Variants in MARCHF1 observed in about 807,000 individuals in gnomAD.
MARCHF1 encodes the protein E3 ubiquitin-protein ligase MARCHF1.
In MARCHF1, 40 loss-of-function variants were observed where a neutral mutation model predicts 54.2. The ratio of observed to expected loss-of-function variants is 0.74; its 90% CI spans 0.57 to 0.96. MARCHF1 has a LOEUF of 0.96. Among genes scored for constraint, MARCHF1 ranks in the 40% least tolerant of loss-of-function variants. The probability of loss-of-function intolerance (pLI) is 0.00; values close to 1 mark genes in which losing one functional copy is unlikely to be tolerated. For synonymous variants in MARCHF1, 236 were observed against 236.3 expected (o/e 1.00, Z 0.01); for missense variants, 586 against 656.5 (o/e 0.89, Z 1.17).
At chr4:163,695,949 G>A (rs185284736) in intron 5 of MARCHF1, among the ~76,000 whole-genome samples, 38 of 152,134 alleles carry the variant, frequency 2.5e-4, no homozygotes, top group Non-Finnish European at 4.1e-4. Flanking sequence ...TTAAGTGATG[G>A]ATAATTGAAA....
chr4:164,328,144 C>G (rs147824289), intron 1 of MARCHF1, among the ~76,000 whole-genome samples: 1 of 152,110 alleles, frequency 6.6e-6, no homozygotes, highest in Non-Finnish European at 1.5e-5. Context: ...GGAGAAAATT[C>G]TAAAATTAGT....
intron 3 of MARCHF1, among the ~76,000 whole-genome samples, chr4:163,988,291 A>G (rs1752907930): frequency 6.6e-6 from 1 of 152,216 alleles, no homozygotes; most frequent in African/African-American, 2.4e-5. Flanking sequence ...AAGTGTCCCT[A>G]TGGATCTGGC....
At chr4:164,238,699 G>T (rs2111200618) in intron 1 of MARCHF1, among the ~76,000 whole-genome samples, 1 of 151,888 alleles carries the variant, frequency 6.6e-6, no homozygotes, top group Non-Finnish European at 1.5e-5. Context: ...TACAATAGAA[G>T]AAATTATGTT....
chr4:164,227,893 G>T (rs540104968), intron 1 of MARCHF1, among the ~76,000 whole-genome samples: 1 of 152,054 alleles, frequency 6.6e-6, no homozygotes, highest in East Asian at 1.9e-4. Flanking sequence ...GATGATACAG[G>T]CTGGTGATTA....
At chr4:164,317,617 G>C (rs1045559885) in intron 1 of MARCHF1, among the ~76,000 whole-genome samples, 1 of 152,174 alleles carries the variant, frequency 6.6e-6, no homozygotes, top group African/African-American at 2.4e-5. Context: ...TCATTCCTAA[G>C]AGGGAGAGAG....
chr4:163,629,331 T>C (rs1741986475), intron 5 of MARCHF1, among the ~76,000 whole-genome samples: 1 of 152,118 alleles, frequency 6.6e-6, no homozygotes, highest in Non-Finnish European at 1.5e-5. Context: ...TAATAAATGG[T>C]ATTGGGAAAA....
intron 7 of MARCHF1, among the ~76,000 whole-genome samples, chr4:163,609,834 C>T (rs1741274343): frequency 6.6e-6 from 1 of 151,870 alleles, no homozygotes; most frequent in African/African-American, 2.4e-5. Context: ...TTAGAGGCAG[C>T]CTCTTTGGAA....
intron 4 of MARCHF1, among the ~76,000 whole-genome samples, chr4:163,784,180 GACA>G (rs1330264899): frequency 6.8e-6 from 1 of 147,356 alleles, no homozygotes; most frequent in Non-Finnish European, 1.5e-5. Context: ...AGTTTCAATT[GACA>G]ACAATACCTC....
At chr4:164,081,207 CAAAAAAAAAAAAAA>C (rs60753810) in intron 2 of MARCHF1, among the ~76,000 whole-genome samples, 7 of 18,404 alleles carry the variant, frequency 3.8e-4, no homozygotes, top group African/African-American at 7.3e-4. Flanking sequence ...GACGCTGTCT[CAAAAAAAAAAAAAA>C]AAAAAAAAAA....
intron 4 of MARCHF1, among the ~76,000 whole-genome samples, chr4:163,768,844 TA>T (rs1371447616): frequency 1.3e-5 from 2 of 152,150 alleles, no homozygotes; most frequent in Admixed American, 6.5e-5. Flanking sequence ...TCATTCAACA[TA>T]GGGGGATAGG....
At chr4:164,145,352 G>A (rs374387631) in intron 1 of MARCHF1, among the ~76,000 whole-genome samples, 20 of 151,526 alleles carry the variant, frequency 1.3e-4, no homozygotes, top group Admixed American at 9.2e-4. Flanking sequence ...TACCAAAGCC[G>A]GGCAGAGACA....
intron 9 of MARCHF1, among the ~76,000 whole-genome samples, chr4:163,545,295 A>G (rs947475307): frequency 6.6e-6 from 1 of 152,232 alleles, no homozygotes; most frequent in African/African-American, 2.4e-5. Flanking sequence ...ATCAGGCAGA[A>G]CTTGATCCTT....
At chr4:163,659,329 C>T (rs1471356411) in intron 5 of MARCHF1, among the ~76,000 whole-genome samples, 2 of 152,124 alleles carry the variant, frequency 1.3e-5, no homozygotes, top group East Asian at 1.9e-4. Context: ...ATAAATGGTG[C>T]TGGGGAAACT....
chr4:163,613,531 A>G, intron 5 of MARCHF1, 138 bp from the exon 6 acceptor site: 2 of 1,570,462 alleles, frequency 1.3e-6, no homozygotes, highest in Non-Finnish European at 1.7e-6. Context: ...AACAGAGAAT[A>G]TAGGAAGTTT....
At chr4:164,255,568 T>A (rs2111255855) in intron 1 of MARCHF1, among the ~76,000 whole-genome samples, 1 of 151,918 alleles carries the variant, frequency 6.6e-6, no homozygotes, top group South Asian at 2.1e-4. Context: ...TTACAACAGA[T>A]CCACCTAAAA....
intron 1 of MARCHF1, among the ~76,000 whole-genome samples, chr4:164,155,708 TATAATACCCATTA>T: frequency 6.6e-6 from 1 of 152,230 alleles, no homozygotes; most frequent in South Asian, 2.1e-4. Context: ...ACTTAATGGG[TATAATACCCATTA>T]ATAATACACT....
At chr4:163,778,183 G>A (rs901505937) in intron 4 of MARCHF1, among the ~76,000 whole-genome samples, 1 of 152,036 alleles carries the variant, frequency 6.6e-6, no homozygotes, top group Admixed American at 6.5e-5. Flanking sequence ...TGGACATTTT[G>A]GTTGTTTCAT....
intron 2 of MARCHF1, among the ~76,000 whole-genome samples, chr4:164,034,328 T>G (rs929791902): frequency 3.3e-5 from 5 of 152,224 alleles, no homozygotes; most frequent in African/African-American, 1.2e-4. Context: ...CTGGGGTCAG[T>G]TGGCAAGGCC....
chr4:163,542,505 A>T (rs1738751355), intron 9 of MARCHF1, among the ~76,000 whole-genome samples: 1 of 152,228 alleles, frequency 6.6e-6, no homozygotes. Context: ...AAGGGTGACT[A>T]AGTATAAACC....
Sources: allele counts gnomAD v4.1 joint callset (sites outside exome capture counted in the v4.1 genomes callset), GRCh38; gene constraint gnomAD v4.1.1; transcripts MANE v1.5; gene names NCBI Gene and HGNC (gene_info 2026-07-23, HGNC 2026-07-21).